Variants in PTPRG observed in about 807,000 individuals in gnomAD.
The protein encoded by PTPRG is protein tyrosine phosphatase receptor type G, also known as receptor-type tyrosine-protein phosphatase gamma.
PTPRG carries 102 observed loss-of-function variants against 165.3 expected under a neutral mutation model. That is an observed-to-expected ratio of 0.62 (90% CI 0.53 to 0.73). PTPRG has a LOEUF of 0.73. Ranked by LOEUF, PTPRG falls within the 30% of genes least tolerant of loss-of-function variation. The pLI is 0.00. For missense variants in PTPRG, 1,866 were observed against 1,861.4 expected (o/e 1.00, Z -0.05); for synonymous variants, 675 against 669.5 (o/e 1.01, Z -0.13).
In PTPRG at chr3:61,576,723, G is replaced by T. The variant is rs182994335; in HGVS notation, c.85+14351G>T. ...CTACTGTATTCTTGGAAATAGGTGT[G>T]CTGCTACATGGGCAATTTTTAAGGT... On this transcript the variant is annotated intron_variant, in intron 1 of 29. Coordinates refer to ENST00000474889, the MANE Select transcript of PTPRG (RefSeq NM_002841.4). 1.2e-3 allele frequency among the ~76,000 whole-genome samples: 179 copies of T among 152,220 alleles called. 1 individual carries two copies. The highest frequency in any genetic ancestry group is 4.1e-3 in the African/African-American group (171 of 41,526).
chr3:61,623,805 G>C (rs948711690), intron 1 of PTPRG, among the ~76,000 whole-genome samples: 5 of 152,244 alleles, frequency 3.3e-5, no homozygotes, highest in Admixed American at 2.0e-4. Context: ...CCTGTGAAAG[G>C]CTTCACCTGT....
At chr3:62,243,365 T>C (rs994768772) in intron 14 of PTPRG, among the ~76,000 whole-genome samples, 11 of 152,134 alleles carry the variant, frequency 7.2e-5, no homozygotes, top group Non-Finnish European at 1.3e-4. Context: ...TGTGGTGCTA[T>C]TGTGTACTTG....
intron 4 of PTPRG, among the ~76,000 whole-genome samples, chr3:62,034,109 A>G (rs1278140045): frequency 6.6e-6 from 1 of 152,162 alleles, no homozygotes; most frequent in Non-Finnish European, 1.5e-5. Context: ...AAGCTAATAC[A>G]GGGGATTGGT....
intron 4 of PTPRG, among the ~76,000 whole-genome samples, chr3:62,030,767 G>A (rs1490039773): frequency 6.6e-6 from 1 of 152,136 alleles, no homozygotes. Context: ...TCTCTATAAT[G>A]GAATTAATTG....
chr3:61,989,729 T>C lies in PTPRG; in HGVS notation c.295T>C (p.Tyr99His), dbSNP rs866137873. ...LDQYARVGEEYQELQLDGFDN... is the reference protein window; with the variant it reads ...LDQYARVGEEHQELQLDGFDN... The stretch of plus-strand genomic sequence containing the variant: ...CCAGTATGCGCGTGTTGGGGAAGAA[T>C]ACCAGGAACTGCAACTCGATGGCTT... Residue 99 changes from tyrosine (Y) to histidine (H), a missense_variant, in exon 3 of 30, where the codon TAC (tyrosine) becomes CAC (histidine). Physicochemically the swap from Tyr to His is moderately conservative, Grantham distance 83. Around this residue, in one of 3 missense-constraint regions of PTPRG, gnomAD observed 408 missense variants for 376.2 expected, o/e 1.08. Transcript: ENST00000474889. 1.9e-6 allele frequency: 3 copies of C among 1,614,044 alleles called. No individual in the cohort carries two copies. The highest frequency in any genetic ancestry group is 1.7e-6 in the Non-Finnish European group (2 of 1,180,020).
At chr3:61,877,013 G>A (rs1575744733) in intron 2 of PTPRG, among the ~76,000 whole-genome samples, 1 of 151,576 alleles carries the variant, frequency 6.6e-6, no homozygotes, top group Non-Finnish European at 1.5e-5. Flanking sequence ...AAGAAATACC[G>A]CCTGTAATTC....
chr3:61,886,165 A>T (rs764300176), intron 2 of PTPRG, among the ~76,000 whole-genome samples: 1 of 152,088 alleles, frequency 6.6e-6, no homozygotes, highest in Non-Finnish European at 1.5e-5. Context: ...TTCCTGCTCG[A>T]TCCTTCCTTC....
chr3:61,993,172 C>T (rs1187147757), intron 3 of PTPRG, among the ~76,000 whole-genome samples: 3 of 150,634 alleles, frequency 2.0e-5, no homozygotes, highest in African/African-American at 7.3e-5. Context: ...TTTAAGAAAC[C>T]ACCTGTCACT....
At position 62,052,762 on chromosome 3, in the gene PTPRG, G is replaced by A. The variant is rs150091673; in HGVS notation, c.520-25401G>A. Among the ~76,000 whole-genome samples the A allele has an allele frequency of 2.6e-5, 4 of 152,208 alleles. No individual in the cohort carries two copies. In the East Asian group the frequency reaches 7.7e-4, roughly 29 times the overall value. ...TCTTGCTCACATTCTGGTACATTTGGTTAGCCTTTCATTTCCTTGTTACTT... is the reference window on the plus strand; with the variant it reads ...TCTTGCTCACATTCTGGTACATTTGATTAGCCTTTCATTTCCTTGTTACTT... On this transcript the variant is annotated intron_variant, in intron 4 of 29. Coordinates refer to ENST00000474889, the MANE Select transcript of PTPRG (RefSeq NM_002841.4).
In PTPRG at chr3:62,245,340, G is replaced by A. The variant is rs141604033; in HGVS notation, c.2467+1442G>A. 1.7e-4 allele frequency among the ~76,000 whole-genome samples: 26 copies of A among 152,274 alleles called. No individual in the cohort carries two copies. The highest frequency in any genetic ancestry group is 2.4e-4 in the African/African-American group (10 of 41,546). On this transcript the variant is annotated intron_variant, in intron 15 of 29. Transcript: ENST00000474889. This position sits in a 1 kb window ranked among gnomAD's most constrained non-coding sequence, Gnocchi z 4.2. ...GAATCTACTGGATTTGCACAATAGC[G>A]TGCATATACTTTTTCCTCTTGCTTT...
At chr3:61,953,928 CAT>C (rs2039963189) in intron 2 of PTPRG, among the ~76,000 whole-genome samples, 1 of 152,180 alleles carries the variant, frequency 6.6e-6, no homozygotes, top group Non-Finnish European at 1.5e-5. Flanking sequence ...GACTTTGTCA[CAT>C]GATTCTGAAT....
At chr3:62,176,597 A>G (rs753835569) in intron 8 of PTPRG, among the ~76,000 whole-genome samples, 1 of 152,104 alleles carries the variant, frequency 6.6e-6, no homozygotes, top group Non-Finnish European at 1.5e-5. Context: ...CCTAAAAGTC[A>G]TCACTGGGCT....
chr3:61,697,642 T>C (rs1303161561), intron 1 of PTPRG, among the ~76,000 whole-genome samples: 1 of 152,206 alleles, frequency 6.6e-6, no homozygotes, highest in Non-Finnish European at 1.5e-5. Context: ...TACCTTCCAG[T>C]ATTCAGTCCC....
chr3:62,205,938 G>A (rs1403252010), intron 12 of PTPRG, among the ~76,000 whole-genome samples: 1 of 152,198 alleles, frequency 6.6e-6, no homozygotes, highest in Non-Finnish European at 1.5e-5. Context: ...CCAGTTAGGA[G>A]GCAGTGGTAA....
intron 7 of PTPRG, among the ~76,000 whole-genome samples, chr3:62,166,009 C>T (rs1303701427): frequency 6.6e-6 from 1 of 151,962 alleles, no homozygotes; most frequent in African/African-American, 2.4e-5. Flanking sequence ...TTCCCCGAAG[C>T]CTTGACAGTC....
intron 1 of PTPRG, among the ~76,000 whole-genome samples, chr3:61,639,522 T>C (rs1035246289): frequency 2.0e-5 from 3 of 152,254 alleles, no homozygotes; most frequent in Admixed American, 6.5e-5. Context: ...TTTAACGATA[T>C]TGATTCTTCC....
At chr3:62,155,797 A>C (rs947183750) in intron 6 of PTPRG, among the ~76,000 whole-genome samples, 1 of 152,184 alleles carries the variant, frequency 6.6e-6, no homozygotes, top group African/African-American at 2.4e-5. Flanking sequence ...GTTCTGCATG[A>C]AAATGAGAAG....
intron 5 of PTPRG, among the ~76,000 whole-genome samples, chr3:62,110,474 C>G (rs916986998): frequency 1.3e-5 from 2 of 151,468 alleles, no homozygotes; most frequent in Non-Finnish European, 2.9e-5. Flanking sequence ...AATATGAAGG[C>G]ATTTATCCAC....
chr3:61,808,440 A>G (rs1222965090), intron 2 of PTPRG, among the ~76,000 whole-genome samples: 2 of 152,134 alleles, frequency 1.3e-5, no homozygotes, highest in South Asian at 2.1e-4. Flanking sequence ...CATCCACCCC[A>G]GATAAATCAT....
Sources: gnomAD v4.1 joint callset for allele counts (sites outside exome capture counted in the v4.1 genomes callset) on GRCh38, gnomAD v4.1.1 for gene constraint, gnomAD v4.1.1 regional missense constraint, Gnocchi (gnomAD v3.1) non-coding constraint, MANE v1.5 for transcripts, NCBI Gene and HGNC (gene_info 2026-07-23, HGNC 2026-07-21) for gene names.